Variants in BRINP3 observed in about 807,000 individuals in gnomAD.
BRINP3 encodes BMP/retinoic acid inducible neural specific 3.
In BRINP3, 19 loss-of-function variants were observed where a neutral mutation model predicts 71.0. The observed-to-expected ratio is 0.27, with a 90% confidence interval of 0.19 to 0.39. The LOEUF (loss-of-function observed/expected upper bound fraction) is 0.39. BRINP3 is among the 10% of genes least tolerant of loss of function. The probability of loss-of-function intolerance (pLI) is 1.00; values close to 1 mark genes in which losing one functional copy is unlikely to be tolerated. For synonymous variants in BRINP3, 380 were observed against 337.7 expected (o/e 1.13, Z -1.37); for missense variants, 959 against 940.8 (o/e 1.02, Z -0.25).
At chr1:190,421,413 G>A (rs1673376152) in intron 2 of BRINP3, among the ~76,000 whole-genome samples, 1 of 150,688 alleles carries the variant, frequency 6.6e-6, no homozygotes. Context: ...ATAAACTGTT[G>A]AAGATGCAAT....
intron 7 of BRINP3, among the ~76,000 whole-genome samples, chr1:190,135,146 C>G (rs1031839634): frequency 6.6e-6 from 1 of 152,068 alleles, no homozygotes; most frequent in African/African-American, 2.4e-5. Context: ...CAAAGCATTA[C>G]TGCATTTGTG....
At chr1:190,462,486 A>C (rs1406945810) in intron 1 of BRINP3, among the ~76,000 whole-genome samples, 5 of 152,148 alleles carry the variant, frequency 3.3e-5, no homozygotes, top group Non-Finnish European at 5.9e-5. Context: ...ATAAAGAAAC[A>C]GGAATTGAAT....
chr1:190,317,329 A>G (rs996434081), intron 2 of BRINP3, among the ~76,000 whole-genome samples: 1 of 152,064 alleles, frequency 6.6e-6, no homozygotes, highest in South Asian at 2.1e-4. Context: ...AAGGGCAGCT[A>G]TTCAGTTTCT....
At chr1:190,409,177 G>A (rs1672494505) in intron 2 of BRINP3, among the ~76,000 whole-genome samples, 1 of 152,112 alleles carries the variant, frequency 6.6e-6, no homozygotes, top group African/African-American at 2.4e-5. Flanking sequence ...CAACACTGGA[G>A]TATTGCTTGA....
intron 7 of BRINP3, among the ~76,000 whole-genome samples, chr1:190,125,478 T>C (rs1316989475): frequency 1.3e-5 from 2 of 151,970 alleles, no homozygotes; most frequent in Non-Finnish European, 2.9e-5. Flanking sequence ...TCAACAATTA[T>C]TAACATGCAA....
chr1:190,185,704 C>T (rs528449140), intron 6 of BRINP3, among the ~76,000 whole-genome samples: 1 of 152,072 alleles, frequency 6.6e-6, no homozygotes, highest in Non-Finnish European at 1.5e-5. Context: ...GATTATAGTA[C>T]TCAAATACAA....
intron 2 of BRINP3, among the ~76,000 whole-genome samples, chr1:190,437,254 C>G (rs898524828): frequency 2.0e-5 from 3 of 151,748 alleles, no homozygotes; most frequent in African/African-American, 4.8e-5. Flanking sequence ...ATTTATTTAA[C>G]TTTTTGGGCT....
At chr1:190,292,669 CA>C (rs1264631425) in intron 2 of BRINP3, among the ~76,000 whole-genome samples, 4 of 151,960 alleles carry the variant, frequency 2.6e-5, no homozygotes, top group Non-Finnish European at 5.9e-5. Flanking sequence ...AATAAATAAA[CA>C]GAAGAGTAAA....
At chr1:190,136,176 C>T (rs1396925145) in intron 7 of BRINP3, among the ~76,000 whole-genome samples, 1 of 152,018 alleles carries the variant, frequency 6.6e-6, no homozygotes, top group African/African-American at 2.4e-5. Context: ...TATTCATATT[C>T]AAAATCTCCA....
chr1:190,248,677 A>G (rs1659838927), intron 4 of BRINP3, among the ~76,000 whole-genome samples: 1 of 151,756 alleles, frequency 6.6e-6, no homozygotes, highest in African/African-American at 2.4e-5. Flanking sequence ...TATTTAAAAC[A>G]TAGTACATAT....
At chr1:190,172,180 C>T (rs930430696) in intron 6 of BRINP3, among the ~76,000 whole-genome samples, 21 of 147,678 alleles carry the variant, frequency 1.4e-4, no homozygotes, top group African/African-American at 5.3e-4. Flanking sequence ...AAAATAAAAA[C>T]AATGTGATTA....
intron 2 of BRINP3, among the ~76,000 whole-genome samples, chr1:190,393,832 A>G (rs761282544): frequency 6.6e-6 from 1 of 151,524 alleles, no homozygotes; most frequent in Non-Finnish European, 1.5e-5. Flanking sequence ...AGTTTTGTGC[A>G]CTCACCGCAG....
intron 4 of BRINP3, among the ~76,000 whole-genome samples, chr1:190,244,017 T>C (rs1659350785): frequency 6.6e-6 from 1 of 152,064 alleles, no homozygotes; most frequent in Non-Finnish European, 1.5e-5. Context: ...GAAAACAAGC[T>C]CAGGGATCCC....
At chr1:190,285,071 G>C (rs1044518661) in intron 2 of BRINP3, among the ~76,000 whole-genome samples, 53 of 151,974 alleles carry the variant, frequency 3.5e-4, no homozygotes, top group African/African-American at 1.2e-3. Context: ...TCCACATTTG[G>C]TTTGTACTGT....
chr1:190,252,737 C>T (rs185021718), intron 4 of BRINP3, among the ~76,000 whole-genome samples: 2 of 151,848 alleles, frequency 1.3e-5, no homozygotes, highest in East Asian at 3.9e-4. Flanking sequence ...AATAAGTGCT[C>T]GATAACATTA....
At chr1:190,114,975 A>G (rs1408666701) in intron 7 of BRINP3, among the ~76,000 whole-genome samples, 5 of 152,202 alleles carry the variant, frequency 3.3e-5, no homozygotes. Flanking sequence ...TATATAAAAT[A>G]TCTGGCCACT....
intron 4 of BRINP3, among the ~76,000 whole-genome samples, chr1:190,235,292 A>G (rs1374270350): frequency 6.6e-6 from 1 of 152,068 alleles, no homozygotes; most frequent in Non-Finnish European, 1.5e-5. Context: ...GATGGATAGT[A>G]TTAGGAGATG....
At position 190,454,688 on chromosome 1, in the gene BRINP3, C is replaced by A. The variant is rs200159768; in HGVS notation, c.203G>T (p.Arg68Leu). 1.4e-5 allele frequency: 23 copies of A among 1,614,030 alleles called. No homozygotes were observed. Among genetic ancestry groups the A allele is most frequent in the Non-Finnish European group, 1.8e-5 (21 of 1,179,996 alleles). ...QEYTDFVDRSRQGFSTRYKIY... is the reference protein window; with the variant it reads ...QEYTDFVDRSLQGFSTRYKIY... Reference sequence around the variant, plus strand: ...CTTGTATCTTGTGCTAAATCCCTGCCGGCTTCTGTCCACAAAATCTGTGTA... The same window carrying A: ...CTTGTATCTTGTGCTAAATCCCTGCAGGCTTCTGTCCACAAAATCTGTGTA... Residue 68 changes from arginine (R) to leucine (L), a missense_variant, in exon 2 of 8, where the codon CGG (arginine) becomes CTG (leucine). Coordinates refer to ENST00000367462, the MANE Select transcript of BRINP3 (RefSeq NM_199051.3).
intron 2 of BRINP3, among the ~76,000 whole-genome samples, chr1:190,432,272 T>C (rs1161966380): frequency 6.6e-6 from 1 of 152,208 alleles, no homozygotes; most frequent in Admixed American, 6.5e-5. Flanking sequence ...CATGAAATTC[T>C]ACTCCAATTG....
Sources: allele counts gnomAD v4.1 joint callset (sites outside exome capture counted in the v4.1 genomes callset), GRCh38; gene constraint gnomAD v4.1.1; transcripts MANE v1.5; gene names NCBI Gene and HGNC (gene_info 2026-07-23, HGNC 2026-07-21).